The following MED12L variants were observed in gnomAD, a reference collection of about 807,000 sequenced individuals.
MED12L encodes mediator complex subunit 12L.
MED12L carries 60 observed loss-of-function variants against 281.3 expected under a neutral mutation model. The ratio of observed to expected loss-of-function variants is 0.21; its 90% confidence interval spans 0.17 to 0.26. The LOEUF (loss-of-function observed/expected upper bound fraction) is 0.26, where lower values mean the gene tolerates loss of function less well. Among genes scored for constraint, MED12L ranks in the 10% least tolerant of loss-of-function variants. The probability of loss-of-function intolerance (pLI) is 1.00; values close to 1 mark genes in which losing one functional copy is unlikely to be tolerated. For missense variants in MED12L, 2,146 were observed against 2,680.9 expected (o/e 0.80, Z 4.41); for synonymous variants, 974 against 987.2 (o/e 0.99, Z 0.25).
intron 16 of MED12L, chr3:151,219,645 GCATTA>G (rs1448022975): frequency 6.6e-6 from 1 of 152,098 alleles, no homozygotes; most frequent in Admixed American, 6.5e-5. Context: ...TAAAGATCCT[GCATTA>G]CACAAAACAA....
At chr3:151,201,248 C>T (rs1361683562) in intron 16 of MED12L, among the ~76,000 whole-genome samples, 1 of 152,142 alleles carries the variant, frequency 6.6e-6, no homozygotes, top group African/African-American at 2.4e-5. Flanking sequence ...CTCTCTCTCA[C>T]ACGCACATTT....
At chr3:151,149,135 G>A (rs1439330422) in intron 5 of MED12L, among the ~76,000 whole-genome samples, 2 of 152,168 alleles carry the variant, frequency 1.3e-5, no homozygotes, top group Admixed American at 6.5e-5. Flanking sequence ...CAATACTTAG[G>A]TGTTGTCTAC....
chr3:151,396,900 A>C (rs1715053993), intron 39 of MED12L, among the ~76,000 whole-genome samples: 1 of 152,220 alleles, frequency 6.6e-6, no homozygotes, highest in Non-Finnish European at 1.5e-5. Flanking sequence ...ATTTTTTTAA[A>C]GCATTTAATT....
chr3:151,152,085 GTTTTTTTTTTTTTTTTTT>G lies in MED12L; in HGVS notation c.557-4062_557-4045del, dbSNP rs141353889. 1.3e-3 allele frequency among the ~76,000 whole-genome samples: 84 copies of G among 63,026 alleles called. 2 individuals are homozygous for G. Among genetic ancestry groups the G allele is most frequent in the African/African-American group, 4.2e-3 (68 of 16,016 alleles). The allele number at this position is 63,026 out of a possible 152,430, so 41.3% of individuals were successfully genotyped here. ...AAGAATTGTGGATCAGTTGAAGGTG[GTTTTTTTTTTTTTTTTTT>G]TTTTTTTTTTTTTGGAGACAGGGTC... is the stretch of plus-strand genomic sequence containing the variant. On this transcript the variant is annotated intron_variant, in intron 5 of 44. Transcript: ENST00000687756.
intron 44 of MED12L, among the ~76,000 whole-genome samples, chr3:151,431,539 CTACTGTT>C (rs943372997): frequency 3.1e-4 from 47 of 152,256 alleles, no homozygotes; most frequent in Admixed American, 2.9e-3. Context: ...TCATTTCTAG[CTACTGTT>C]TACTGTTTAA....
At chr3:151,125,141 G>A (rs971707675) in intron 4 of MED12L, among the ~76,000 whole-genome samples, 4 of 152,164 alleles carry the variant, frequency 2.6e-5, no homozygotes, top group African/African-American at 9.7e-5. Context: ...ATTCTTTACT[G>A]AATAACATGT....
Position 151,411,454 on chromosome 3 carries a change from C to T in MED12L, c.6087C>T (p.Gly2029=), listed in dbSNP as rs760541381. Residue 2029 remains glycine, a synonymous_variant, in exon 41 of 45, where the codon GGC becomes GGT. Transcript: ENST00000687756. ...RLRQIQQQPS[G]YVQQQASPYL... is the part of the protein sequence containing the mutation. ...GACAGATTCAGCAGCAGCCGAGTGG[C>T]TATGTTCAGCAGCAGGCCTCGCCGT... 5.0e-6 allele frequency: 8 copies of T among 1,614,182 alleles called. No individual in the cohort carries two copies. In the East Asian group the frequency reaches 1.6e-4, roughly 31 times the overall value.
intron 16 of MED12L, among the ~76,000 whole-genome samples, chr3:151,307,378 A>G (rs1201269533): frequency 6.6e-6 from 1 of 152,186 alleles, no homozygotes; most frequent in Non-Finnish European, 1.5e-5. Context: ...AATGTGTTGG[A>G]ATGCAAAGCA....
At chr3:151,239,489 G>A (rs1733639626) in intron 16 of MED12L, among the ~76,000 whole-genome samples, 2 of 152,192 alleles carry the variant, frequency 1.3e-5, no homozygotes, top group African/African-American at 4.8e-5. Flanking sequence ...TAGGCCAGAT[G>A]TTAAAGAGAT....
intron 39 of MED12L, among the ~76,000 whole-genome samples, chr3:151,401,643 G>A (rs560994685): frequency 1.3e-5 from 2 of 152,118 alleles, no homozygotes; most frequent in Non-Finnish European, 2.9e-5. Flanking sequence ...TCAAATGATA[G>A]TCTCATTTGT....
chr3:151,272,124 A>C (rs770541408), intron 16 of MED12L, among the ~76,000 whole-genome samples: 5 of 152,210 alleles, frequency 3.3e-5, no homozygotes, highest in African/African-American at 4.8e-5. Flanking sequence ...GAAAGAGGGC[A>C]GAAGTGACAG....
chr3:151,200,616 A>G (rs918161277), intron 16 of MED12L, among the ~76,000 whole-genome samples: 2 of 152,202 alleles, frequency 1.3e-5, no homozygotes, highest in Non-Finnish European at 2.9e-5. Context: ...TAATGAAACA[A>G]TGTATGCAAA....
chr3:151,366,542 T>G (rs1388623), intron 23 of MED12L, among the ~76,000 whole-genome samples: 116,158 of 152,118 alleles, frequency 0.76, 45,028 homozygotes, highest in African/African-American at 0.89. Flanking sequence ...TCCTTGGATA[T>G]CATGTTGCAT....
intron 27 of MED12L, among the ~76,000 whole-genome samples, chr3:151,375,536 T>A (rs1197437339): frequency 6.6e-6 from 1 of 152,288 alleles, no homozygotes; most frequent in Admixed American, 6.5e-5. Flanking sequence ...AAAAAAGAGA[T>A]GTGCACTACT....
At chr3:151,219,665 C>A (rs771319338) in intron 16 of MED12L, 3 of 152,122 alleles carry the variant, frequency 2.0e-5, no homozygotes, top group Non-Finnish European at 2.9e-5. Context: ...AAACAAAAAA[C>A]CAAAGATTTA....
At chr3:151,205,354 AAATT>A (rs891620731) in intron 16 of MED12L, among the ~76,000 whole-genome samples, 3 of 152,250 alleles carry the variant, frequency 2.0e-5, no homozygotes, top group African/African-American at 7.2e-5. Context: ...TGTAAAATAA[AAATT>A]AAAGCTAAAT....
chr3:151,391,923 A>G (rs73159908), intron 38 of MED12L, among the ~76,000 whole-genome samples: 45,407 of 152,130 alleles, frequency 0.3, 7,626 homozygotes, highest in Non-Finnish European at 0.38. Flanking sequence ...AGAAGGATGC[A>G]ATCATCATCC....
At chr3:151,313,579 C>T (rs536616336) in intron 16 of MED12L, among the ~76,000 whole-genome samples, 1 of 152,000 alleles carries the variant, frequency 6.6e-6, no homozygotes, top group South Asian at 2.1e-4. Context: ...GGTGCGGTGG[C>T]TCACACCTGT....
rs372140793 is a variant in MED12L at position 151,265,233 on chromosome 3, T to C, written c.2250+71567T>C. Among the ~76,000 whole-genome samples the C allele has an allele frequency of 9.4e-4, 143 of 152,310 alleles. 1 individual carries two copies. The highest frequency in any genetic ancestry group is 3.3e-3 in the African/African-American group (139 of 41,574). On this transcript the variant is annotated intron_variant, in intron 16 of 44. Transcript: ENST00000687756. ...ACAAAGGGGAGCTACTCATAGAATA[T>C]AATGTACGATGCTCTATTCTGAGAC... is the stretch of plus-strand genomic sequence containing the variant.
Sources: allele counts gnomAD v4.1 joint callset (sites outside exome capture counted in the v4.1 genomes callset), GRCh38; gene constraint gnomAD v4.1.1; transcripts MANE v1.5; gene names NCBI Gene and HGNC (gene_info 2026-07-23, HGNC 2026-07-21).